The following RNLS variants were observed in gnomAD, a reference collection of about 807,000 sequenced individuals.
RNLS encodes the protein renalase, FAD dependent amine oxidase.
A neutral mutation model predicts 39.8 loss-of-function variants in RNLS; 39 were observed. The ratio of observed to expected loss-of-function variants is 0.98; its 90% CI spans 0.76 to 1.28. The LOEUF (loss-of-function observed/expected upper bound fraction) is 1.28, where lower values mean the gene tolerates loss of function less well. Ranked by LOEUF, RNLS falls within the 50% of genes most tolerant of loss-of-function variation. RNLS has a pLI of 0.00. For synonymous variants in RNLS, 147 were observed against 150.7 expected, an observed-to-expected ratio of 0.98 and a Z score of 0.18; for missense variants, 410 against 413.3, an observed-to-expected ratio of 0.99 and a Z score of 0.07.
intron 4 of RNLS, among the ~76,000 whole-genome samples, chr10:88,493,322 T>C (rs138861941): frequency 3.4e-4 from 52 of 152,226 alleles, no homozygotes; most frequent in African/African-American, 1.1e-3. Context: ...GGATATTTAA[T>C]AGAGGCTTAA....
the RNLS span, among the ~76,000 whole-genome samples, chr10:88,234,171 G>C: frequency 4.3e-3 from 651 of 151,318 alleles, 8 homozygotes; most frequent in African/African-American, 0.015. Context: ...GAGGGAGAAG[G>C]AAGGGACCAG....
intron 4 of RNLS, among the ~76,000 whole-genome samples, chr10:88,407,464 ATAAAT>A (rs1049276362): frequency 3.9e-5 from 6 of 152,154 alleles, no homozygotes; most frequent in Non-Finnish European, 5.9e-5. Flanking sequence ...GAGAAATTTA[ATAAAT>A]TAAATTAATA....
At chr10:88,421,106 A>G (rs769508579) in intron 4 of RNLS, among the ~76,000 whole-genome samples, 5 of 152,194 alleles carry the variant, frequency 3.3e-5, no homozygotes, top group Non-Finnish European at 7.4e-5. Flanking sequence ...GAACAAGCCT[A>G]TCACTCTCTG....
intron 6 of RNLS, among the ~76,000 whole-genome samples, chr10:88,278,645 C>G (rs747206149): frequency 6.6e-6 from 1 of 152,128 alleles, no homozygotes; most frequent in Non-Finnish European, 1.5e-5. Context: ...TAGAGATGGC[C>G]CATTTTAAGT....
chr10:88,198,268 A>G, the RNLS span, among the ~76,000 whole-genome samples: 1 of 152,202 alleles, frequency 6.6e-6, no homozygotes, highest in Non-Finnish European at 1.5e-5. Flanking sequence ...AAGAGAGCAG[A>G]GCATAGGCTC....
At chr10:88,558,512 T>C (rs137864131) in intron 4 of RNLS, among the ~76,000 whole-genome samples, 15 of 152,268 alleles carry the variant, frequency 9.9e-5, no homozygotes, top group African/African-American at 3.4e-4. Context: ...CTTAAGTAGG[T>C]AAACTCCCTC....
At chr10:88,293,262 A>G (rs1247611025) in intron 6 of RNLS, among the ~76,000 whole-genome samples, 7 of 152,178 alleles carry the variant, frequency 4.6e-5, no homozygotes, top group Non-Finnish European at 1.0e-4. Context: ...GCAATAATAA[A>G]TAGCTCTGAA....
the RNLS span, among the ~76,000 whole-genome samples, chr10:88,242,331 A>C: frequency 6.6e-6 from 1 of 152,206 alleles, no homozygotes; most frequent in Admixed American, 6.5e-5. Context: ...TAGGGTCCAA[A>C]GTAGTTTATG....
intron 4 of RNLS, among the ~76,000 whole-genome samples, chr10:88,524,998 T>TATATATATATACAC (rs1554919255): frequency 9.6e-6 from 1 of 104,472 alleles, no homozygotes; most frequent in African/African-American, 3.5e-5. Context: ...TATATATATA[T>TATATATATATACAC]ACACACACAC....
intron 5 of RNLS, among the ~76,000 whole-genome samples, chr10:88,354,277 T>C (rs1339077035): frequency 1.3e-5 from 2 of 152,180 alleles, no homozygotes; most frequent in Non-Finnish European, 2.9e-5. Context: ...GCTGGTTATT[T>C]TGCTCGTTAG....
chr10:88,541,017 A>T (rs1214276073), intron 4 of RNLS, among the ~76,000 whole-genome samples: 1 of 150,150 alleles, frequency 6.7e-6, no homozygotes, highest in Non-Finnish European at 1.5e-5. Flanking sequence ...TACATTTCTT[A>T]ACTAGCTTGA....
At chr10:88,276,257 AG>A (rs773262402) in intron 6 of RNLS, among the ~76,000 whole-genome samples, 5 of 152,030 alleles carry the variant, frequency 3.3e-5, no homozygotes, top group Non-Finnish European at 5.9e-5. Context: ...GTAATCTTTT[AG>A]TTTTGTTTTC....
intron 4 of RNLS, among the ~76,000 whole-genome samples, chr10:88,420,338 T>C (rs1172151113): frequency 2.0e-5 from 3 of 152,202 alleles, no homozygotes; most frequent in African/African-American, 7.2e-5. Context: ...GATTTTTCAA[T>C]ACAGCTATCT....
At chr10:88,357,246 C>CAGAT (rs1187357931) in intron 5 of RNLS, among the ~76,000 whole-genome samples, 2 of 152,144 alleles carry the variant, frequency 1.3e-5, no homozygotes, top group African/African-American at 4.8e-5. Flanking sequence ...GAGGAGGCAA[C>CAGAT]AGATAGTTTA....
At chr10:88,455,308 G>A (rs142519849) in intron 4 of RNLS, among the ~76,000 whole-genome samples, 31 of 152,192 alleles carry the variant, frequency 2.0e-4, no homozygotes, top group African/African-American at 7.2e-4. Context: ...AGAAATAAAC[G>A]TTCCAAACCT....
the RNLS span, among the ~76,000 whole-genome samples, chr10:88,248,566 G>A: frequency 6.6e-6 from 1 of 152,208 alleles, no homozygotes. Context: ...TGCCATCACT[G>A]ATGCTATGGA....
intron 6 of RNLS, among the ~76,000 whole-genome samples, chr10:88,296,881 T>C (rs771339003): frequency 6.6e-6 from 1 of 152,176 alleles, no homozygotes; most frequent in Non-Finnish European, 1.5e-5. Context: ...TCTACAGTTT[T>C]ACCTTTTCCA....
chr10:88,460,150 C>T (rs887318574), intron 4 of RNLS, among the ~76,000 whole-genome samples: 1 of 152,106 alleles, frequency 6.6e-6, no homozygotes, highest in Admixed American at 6.5e-5. Flanking sequence ...AACCTTGTCA[C>T]CATGAGATAA....
At chr10:88,280,645 T>A (rs1171321245), downstream of RNLS, among the ~76,000 whole-genome samples, 1 of 152,138 alleles carries the variant, frequency 6.6e-6, no homozygotes, top group Non-Finnish European at 1.5e-5. Flanking sequence ...ACTGCTGTAG[T>A]GCAAAACAGT....
Sources: allele counts gnomAD v4.1 joint callset (sites outside exome capture counted in the v4.1 genomes callset), GRCh38; gene constraint gnomAD v4.1.1; transcripts MANE v1.5; gene names NCBI Gene and HGNC (gene_info 2026-07-23, HGNC 2026-07-21).